Variants in TMEM132D observed in about 807,000 individuals in gnomAD.
The protein encoded by TMEM132D is transmembrane protein 132D, also known as mature OL transmembrane protein.
TMEM132D carries 21 observed loss-of-function variants against 62.3 expected under a neutral mutation model. That is an observed-to-expected ratio of 0.34 (90% CI 0.24 to 0.49). TMEM132D has a LOEUF of 0.49. Among genes scored for constraint, TMEM132D ranks in the 20% least tolerant of loss-of-function variants. The probability of loss-of-function intolerance (pLI) is 0.99; values close to 1 mark genes in which losing one functional copy is unlikely to be tolerated. For missense variants in TMEM132D, 1,346 were observed against 1,402.8 expected (o/e 0.96, Z 0.65); for synonymous variants, 621 against 575.6 (o/e 1.08, Z -1.13).
chr12:129,830,437 A>T (rs1207383272), intron 1 of TMEM132D, among the ~76,000 whole-genome samples: 3 of 152,176 alleles, frequency 2.0e-5, no homozygotes, highest in Admixed American at 1.3e-4. Flanking sequence ...ATTCAGACAG[A>T]GGCATATTCT....
At chr12:129,481,377 C>A (rs2137053568) in intron 3 of TMEM132D, among the ~76,000 whole-genome samples, 1 of 150,580 alleles carries the variant, frequency 6.6e-6, no homozygotes, top group South Asian at 2.1e-4. Context: ...GTGGGAGGAT[C>A]ACTTGAGCCT....
At chr12:129,840,117 T>C (rs533267237) in intron 1 of TMEM132D, 10 of 152,356 alleles carry the variant, frequency 6.6e-5, no homozygotes, top group Non-Finnish European at 1.5e-4. Context: ...GTGTTTAGGA[T>C]ACAATGTAAA....
intron 1 of TMEM132D, among the ~76,000 whole-genome samples, chr12:129,771,800 C>T (rs1870763533): frequency 6.6e-6 from 1 of 152,182 alleles, no homozygotes; most frequent in African/African-American, 2.4e-5. Context: ...GTAAACCTGT[C>T]AATCATATTC....
At position 129,700,159 on chromosome 12, in the gene TMEM132D, TG is replaced by T. The variant is rs747811524; in HGVS notation, c.618del (p.Thr207ArgfsTer75). ...LELLSSWFSP[P>X]TVVAGRRKSV... ...GACTTCCTCCTCCCGGCAACCACCGTGGGGGGGCTGAACCAGCTGGACAGGA... is the reference window on the plus strand; with the variant it reads ...GACTTCCTCCTCCCGGCAACCACCGTGGGGGGCTGAACCAGCTGGACAGGA... On this transcript the variant is annotated frameshift_variant, in exon 2 of 9. Transcript: ENST00000422113. LOFTEE classifies it high-confidence loss of function. The T allele has an allele frequency of 1.2e-6, 2 of 1,612,642 alleles. No individual in the cohort carries two copies. Among genetic ancestry groups the T allele is most frequent in the Non-Finnish European group, 8.5e-7 (1 of 1,179,944 alleles).
intron 4 of TMEM132D, among the ~76,000 whole-genome samples, chr12:129,272,710 C>T (rs747418089): frequency 2.1e-4 from 32 of 151,564 alleles, no homozygotes; most frequent in Admixed American, 4.6e-4. Context: ...TAGGGAAATG[C>T]AAATCAAGAC....
chr12:129,453,435 G>T (rs1321777589), intron 3 of TMEM132D, among the ~76,000 whole-genome samples: 3 of 152,168 alleles, frequency 2.0e-5, no homozygotes, highest in Non-Finnish European at 2.9e-5. Context: ...TTCAACTGGA[G>T]AGTTCCTTTT....
intron 3 of TMEM132D, among the ~76,000 whole-genome samples, chr12:129,513,837 T>TTTA (rs1875580211): frequency 7.1e-6 from 1 of 140,480 alleles, no homozygotes; most frequent in Non-Finnish European, 1.5e-5. Flanking sequence ...TATTTATTTA[T>TTTA]TTATTTATTT....
At chr12:129,518,000 A>G (rs1358157977) in intron 3 of TMEM132D, among the ~76,000 whole-genome samples, 1 of 152,208 alleles carries the variant, frequency 6.6e-6, no homozygotes, top group African/African-American at 2.4e-5. Flanking sequence ...CCTGGCAAAA[A>G]GATAGTCACT....
At chr12:129,201,278 A>C (rs1416049503) in intron 5 of TMEM132D, among the ~76,000 whole-genome samples, 1 of 152,298 alleles carries the variant, frequency 6.6e-6, no homozygotes, top group East Asian at 1.9e-4. Flanking sequence ...TCTTCCTCCT[A>C]GTGTGTGCAG....
At chr12:129,102,857 A>G (rs73159565) in intron 5 of TMEM132D, among the ~76,000 whole-genome samples, 15 of 152,308 alleles carry the variant, frequency 9.8e-5, no homozygotes, top group Non-Finnish European at 2.2e-4. Context: ...CAGCCCTTGA[A>G]GCTTTTGCAG....
At chr12:129,776,835 G>A (rs1870945220) in intron 1 of TMEM132D, among the ~76,000 whole-genome samples, 1 of 148,388 alleles carries the variant, frequency 6.7e-6, no homozygotes, top group Non-Finnish European at 1.5e-5. Context: ...TCCTCTTAAG[G>A]AGGAAAAAAA....
chr12:129,591,654 C>CA (rs1178379821), intron 2 of TMEM132D, among the ~76,000 whole-genome samples: 1 of 150,334 alleles, frequency 6.7e-6, no homozygotes, highest in Non-Finnish European at 1.5e-5. Context: ...ACAGTGATAG[C>CA]AAAAAATAAT....
intron 1 of TMEM132D, among the ~76,000 whole-genome samples, chr12:129,772,062 G>T (rs1870771693): frequency 6.6e-6 from 1 of 152,038 alleles, no homozygotes. Flanking sequence ...CCAGAGGTAT[G>T]CCTTTTATCA....
chr12:129,657,886 T>C (rs1363535919), intron 2 of TMEM132D, among the ~76,000 whole-genome samples: 2 of 152,210 alleles, frequency 1.3e-5, no homozygotes, highest in African/African-American at 4.8e-5. Context: ...CTTCATGCAG[T>C]CAACTATTAA....
intron 4 of TMEM132D, among the ~76,000 whole-genome samples, chr12:129,293,587 A>G (rs1365312254): frequency 2.0e-5 from 3 of 152,042 alleles, no homozygotes; most frequent in African/African-American, 7.2e-5. Context: ...AAGGAGTGGG[A>G]GCCCTGAGCT....
chr12:129,451,126 TG>T (rs1873274829), intron 3 of TMEM132D, among the ~76,000 whole-genome samples: 1 of 152,036 alleles, frequency 6.6e-6, no homozygotes, highest in South Asian at 2.1e-4. Context: ...TCCTTCCTGA[TG>T]CACTGAAATC....
chr12:129,249,648 C>T (rs1360535388), intron 4 of TMEM132D, among the ~76,000 whole-genome samples: 1 of 151,984 alleles, frequency 6.6e-6, no homozygotes, highest in Non-Finnish European at 1.5e-5. Flanking sequence ...AGGCTCCTGC[C>T]CAAGGGAGAT....
At chr12:129,712,085 G>A (rs978972826) in intron 1 of TMEM132D, among the ~76,000 whole-genome samples, 7 of 151,804 alleles carry the variant, frequency 4.6e-5, no homozygotes, top group African/African-American at 7.3e-5. Flanking sequence ...AAGCTACTCC[G>A]CACAATATGT....
chr12:129,585,141 G>A (rs1877988248), intron 2 of TMEM132D, among the ~76,000 whole-genome samples: 1 of 152,150 alleles, frequency 6.6e-6, no homozygotes, highest in East Asian at 1.9e-4. Flanking sequence ...TTTTCATTAG[G>A]AATTAAGGAG....
Sources: allele counts gnomAD v4.1 joint callset (sites outside exome capture counted in the v4.1 genomes callset), GRCh38; gene constraint gnomAD v4.1.1; transcripts MANE v1.5; gene names NCBI Gene and HGNC (gene_info 2026-07-23, HGNC 2026-07-21).